DSCAM: variants seen among roughly 807,000 people sequenced by gnomAD.
DSCAM encodes the protein DS cell adhesion molecule.
DSCAM carries 47 observed loss-of-function variants against 217.7 expected under a neutral mutation model. The ratio of observed to expected loss-of-function variants is 0.22; its 90% CI spans 0.17 to 0.28. DSCAM has a LOEUF of 0.28. DSCAM is among the 10% of genes least tolerant of loss of function. DSCAM has a pLI of 1.00. For missense variants in DSCAM, 2,080 were observed against 2,618.3 expected, an observed-to-expected ratio of 0.79 and a Z score of 4.49; for synonymous variants, 1,056 against 1,015.3, an observed-to-expected ratio of 1.04 and a Z score of -0.76.
chr21:40,134,520 CT>C (rs1221212097), intron 18 of DSCAM, among the ~76,000 whole-genome samples: 13 of 152,200 alleles, frequency 8.5e-5, no homozygotes, highest in Non-Finnish European at 1.5e-4. Flanking sequence ...TCCCAAATAT[CT>C]GATCTACCCT....
At chr21:40,262,241 A>G (rs2073463163) in intron 11 of DSCAM, among the ~76,000 whole-genome samples, 1 of 152,100 alleles carries the variant, frequency 6.6e-6, no homozygotes, top group African/African-American at 2.4e-5. Context: ...CCACCTCCCA[A>G]AAGAGGGTGG....
intron 3 of DSCAM, among the ~76,000 whole-genome samples, chr21:40,649,155 AG>A (rs1274197219): frequency 6.6e-6 from 1 of 152,222 alleles, no homozygotes; most frequent in Non-Finnish European, 1.5e-5. Flanking sequence ...TTACAAAAGA[AG>A]GTGTCTGGGC....
intron 1 of DSCAM, among the ~76,000 whole-genome samples, chr21:40,740,717 C>A (rs1358097187): frequency 3.9e-5 from 6 of 152,122 alleles, no homozygotes; most frequent in African/African-American, 1.4e-4. Flanking sequence ...GGTAGACACA[C>A]TGGGGCTGAG....
intron 10 of DSCAM, among the ~76,000 whole-genome samples, chr21:40,277,747 C>T (rs2073706936): frequency 6.7e-6 from 1 of 150,098 alleles, no homozygotes; most frequent in Admixed American, 6.7e-5. Context: ...GATTCTCCTG[C>T]TAATCCCAGC....
At chr21:40,249,004 T>C (rs965567883) in intron 11 of DSCAM, among the ~76,000 whole-genome samples, 3 of 152,060 alleles carry the variant, frequency 2.0e-5, no homozygotes, top group South Asian at 4.1e-4. Context: ...ATCACACGAA[T>C]AGCACAGGAA....
chr21:40,060,476 G>A (rs75169778), intron 28 of DSCAM, among the ~76,000 whole-genome samples: 10,053 of 152,174 alleles, frequency 0.066, 406 homozygotes, highest in Middle Eastern at 0.14. Context: ...AGGGGGCCAG[G>A]GTAGGTTGTG....
chr21:40,658,373 G>T (rs528855907), intron 3 of DSCAM, among the ~76,000 whole-genome samples: 19 of 152,304 alleles, frequency 1.2e-4, no homozygotes, highest in Admixed American at 4.6e-4. Flanking sequence ...GGACAAATGT[G>T]CCTCTCAGGC....
At chr21:40,775,410 T>C (rs2091479482) in intron 1 of DSCAM, among the ~76,000 whole-genome samples, 1 of 152,138 alleles carries the variant, frequency 6.6e-6, no homozygotes, top group African/African-American at 2.4e-5. Flanking sequence ...TGTGAGGGTA[T>C]TTCCAGAAGA....
At chr21:40,629,241 G>T (rs2089654556) in intron 3 of DSCAM, among the ~76,000 whole-genome samples, 1 of 151,938 alleles carries the variant, frequency 6.6e-6, no homozygotes, top group African/African-American at 2.4e-5. Flanking sequence ...AAACCATTTG[G>T]GATTGGACAA....
At chr21:40,102,085 G>A (rs1568940894) in intron 20 of DSCAM, among the ~76,000 whole-genome samples, 2 of 142,318 alleles carry the variant, frequency 1.4e-5, no homozygotes, top group Non-Finnish European at 3.0e-5. Context: ...ACCACAGCTT[G>A]GCAAACAGAT....
chr21:40,376,559 T>TATATATCTTATATCGATATCG (rs2074958350), intron 3 of DSCAM, among the ~76,000 whole-genome samples: 1 of 116,188 alleles, frequency 8.6e-6, no homozygotes, highest in South Asian at 2.9e-4. Context: ...TATCGATATC[T>TATATATCTTATATCGATATCG]ATATATCTTA....
At chr21:40,486,131 T>A (rs1212639311) in intron 3 of DSCAM, among the ~76,000 whole-genome samples, 1 of 152,090 alleles carries the variant, frequency 6.6e-6, no homozygotes, top group East Asian at 1.9e-4. Flanking sequence ...GGCTAACAGA[T>A]CACCCAACTA....
Position 40,785,285 on chromosome 21 carries a change from T to G in DSCAM, c.43+61334A>C, listed in dbSNP as rs529120706. Among the ~76,000 whole-genome samples the G allele has an allele frequency of 2.2e-4, 34 of 152,314 alleles. No individual in the cohort carries two copies. The South Asian group carries it at 6.4e-3, about 29-fold the overall frequency. ...CCTCCAGGAGCTGTGATAACACTAA[T>G]AAGAAAATACTCCCTTGTAGAGAGC... On this transcript the variant is annotated intron_variant, in intron 1 of 32. Coordinates refer to ENST00000400454, the MANE Select transcript of DSCAM (RefSeq NM_001389.5).
chr21:40,693,176 T>C (rs1027418252), intron 2 of DSCAM, among the ~76,000 whole-genome samples: 4 of 152,258 alleles, frequency 2.6e-5, no homozygotes, highest in African/African-American at 9.6e-5. Context: ...GGCTCATGCC[T>C]GTAATCCCAC....
intron 10 of DSCAM, among the ~76,000 whole-genome samples, chr21:40,294,360 G>A (rs1429727780): frequency 6.6e-6 from 1 of 152,168 alleles, no homozygotes. Context: ...AACAATCTAA[G>A]TATGCAAATT....
intron 3 of DSCAM, among the ~76,000 whole-genome samples, chr21:40,422,260 A>G (rs938732602): frequency 2.0e-5 from 3 of 152,186 alleles, no homozygotes. Flanking sequence ...TCGAGGGCAT[A>G]TACCCTAAAA....
intron 1 of DSCAM, among the ~76,000 whole-genome samples, chr21:40,804,145 C>A (rs1030035541): frequency 6.6e-6 from 1 of 152,196 alleles, no homozygotes; most frequent in Non-Finnish European, 1.5e-5. Flanking sequence ...CAGTACAAGG[C>A]CACTCCCCAA....
chr21:40,409,363 A>C (rs1385998650), intron 3 of DSCAM, among the ~76,000 whole-genome samples: 1 of 152,236 alleles, frequency 6.6e-6, no homozygotes, highest in Non-Finnish European at 1.5e-5. Context: ...GAAAACATGC[A>C]GGGAAGCCTG....
At chr21:40,152,659 A>G (rs1047352651) in intron 16 of DSCAM, among the ~76,000 whole-genome samples, 6 of 152,258 alleles carry the variant, frequency 3.9e-5, no homozygotes, top group African/African-American at 1.4e-4. Flanking sequence ...GCACCATGTC[A>G]ATGTATTTGC....
Sources: allele counts gnomAD v4.1 joint callset (sites outside exome capture counted in the v4.1 genomes callset), GRCh38; gene constraint gnomAD v4.1.1; transcripts MANE v1.5; gene names NCBI Gene and HGNC (gene_info 2026-07-23, HGNC 2026-07-21).